Variants in CLN8 observed in about 807,000 individuals in gnomAD.
The protein encoded by CLN8 is protein CLN8.
CLN8 carries 14 observed loss-of-function variants against 15.7 expected under a neutral mutation model. That is an observed-to-expected ratio of 0.89 (90% CI 0.59 to 1.39). The LOEUF (loss-of-function observed/expected upper bound fraction) is 1.39. CLN8 is among the 40% of genes most tolerant of loss of function. The pLI, the probability that CLN8 is intolerant of heterozygous loss-of-function variation, is 0.00. For synonymous variants in CLN8, 188 were observed against 151.0 expected (o/e 1.25, Z -1.80); for missense variants, 415 against 364.0 (o/e 1.14, Z -1.14).
intron 2 of CLN8, among the ~76,000 whole-genome samples, chr8:1,775,087 C>G (rs1185317346): frequency 1.3e-5 from 2 of 152,014 alleles, no homozygotes; most frequent in Non-Finnish European, 2.9e-5. Context: ...GGTTCTGTGT[C>G]TGGATTCAAC....
chr8:1,785,782 G>A lies in CLN8; in HGVS notation c.*5215G>A, dbSNP rs890686435. The A allele has an allele frequency of 1.1e-5, 2 of 177,044 alleles. No homozygotes were observed. The highest frequency in any genetic ancestry group is 9.5e-5 in the South Asian group (1 of 10,532). 11.0% of individuals were successfully genotyped at this position (177,044 alleles called of 1,614,324 possible). On this transcript the variant is annotated 3_prime_UTR_variant, in exon 3 of 3. Coordinates refer to ENST00000331222, the MANE Select transcript of CLN8 (RefSeq NM_018941.4). ...GGCGGCGTGGGGTTAGACAGGTACT[G>A]GTCAGATGCACGGGCTCCCTAAACC...
chr8:1,768,761 G>C (rs1801181791), intron 1 of CLN8, among the ~76,000 whole-genome samples: 1 of 152,174 alleles, frequency 6.6e-6, no homozygotes, highest in Non-Finnish European at 1.5e-5. Flanking sequence ...CCTGTGAAGT[G>C]CATAGGGGTT....
At chr8:1,773,015 T>G in intron 2 of CLN8, 1 of 398,490 alleles carries the variant, frequency 2.5e-6, no homozygotes. Context: ...CCATCAAAAG[T>G]GCACTGCAGT....
upstream of CLN8, chr8:1,759,573 T>G (rs1419800649): frequency 1.3e-5 from 2 of 152,238 alleles, no homozygotes; most frequent in East Asian, 1.9e-4. Flanking sequence ...AGGATTCTTT[T>G]GGACGAAAGG....
intron 1 of CLN8, chr8:1,756,210 G>C (rs1017375577): frequency 2.6e-5 from 4 of 152,138 alleles, no homozygotes. Context: ...TCAGCCAGGC[G>C]CTGTGGCTCA....
In CLN8 at chr8:1,781,611, A is replaced by G. The variant is rs936509740; in HGVS notation, c.*1044A>G. 6.6e-6 allele frequency: 1 copy of G among 152,062 alleles called. No individual in the cohort carries two copies. Among genetic ancestry groups the G allele is most frequent in the Non-Finnish European group, 1.5e-5 (1 of 68,018 alleles). The allele number at this position is 152,062 out of a possible 1,614,324, so 9.4% of individuals were successfully genotyped here. Reference sequence around the variant, plus strand: ...TTCATACTGTGTTGCTCATTTGACAAAATAAGGTAAGGATTTCATAATCAG... The same window carrying G: ...TTCATACTGTGTTGCTCATTTGACAGAATAAGGTAAGGATTTCATAATCAG... On this transcript the variant is annotated 3_prime_UTR_variant, in exon 3 of 3. Transcript: ENST00000331222.
chr8:1,771,357 C>G lies in CLN8; in HGVS notation c.303C>G (p.Asn101Lys), dbSNP rs755831055. ...CCGACAAGGCGCGTGGCCAGCAGAACTGGTGCTGGTTTCACATCACGACAG... is the reference window on the plus strand; with the variant it reads ...CCGACAAGGCGCGTGGCCAGCAGAAGTGGTGCTGGTTTCACATCACGACAG... ...LHADKARGQQ[N>K]WCWFHITTAT... is the part of the protein sequence containing the mutation. Residue 101 changes from asparagine to lysine, a missense_variant, in exon 2 of 3, where the codon AAC becomes AAG. Physicochemically the swap from Asn to Lys is moderately conservative, Grantham distance 94 (BLOSUM62 0). Coordinates refer to ENST00000331222, the MANE Select transcript of CLN8 (RefSeq NM_018941.4). 23 of 1,614,110 alleles carry G rather than the reference C, an allele frequency of 1.4e-5. No individual in the cohort carries two copies. In the South Asian group the frequency reaches 2.3e-4, roughly 16 times the overall value.
intron 2 of CLN8, among the ~76,000 whole-genome samples, chr8:1,776,521 C>T (rs1801523100): frequency 2.0e-5 from 3 of 151,586 alleles, no homozygotes; most frequent in Admixed American, 1.3e-4. Flanking sequence ...TGCTCCAGTA[C>T]ACACACACAC....
upstream of CLN8, chr8:1,762,857 A>G (rs542935961): frequency 6.6e-6 from 1 of 152,374 alleles, no homozygotes; most frequent in African/African-American, 2.4e-5. Flanking sequence ...TATCGATCGC[A>G]TGCTATCGGT....
Position 1,780,859 on chromosome 8 carries a change from TGAG to T in CLN8, c.*296_*298del, listed in dbSNP as rs763436289. 1.6e-4 allele frequency: 81 copies of T among 499,142 alleles called. No individual in the cohort carries two copies. Among genetic ancestry groups the T allele is most frequent in the Non-Finnish European group, 3.2e-5 (9 of 279,300 alleles). The allele number at this position is 499,142 out of a possible 1,614,324, so 30.9% of individuals were successfully genotyped here. A position where few individuals can be genotyped will look rare whatever the true frequency, so the allele number is the denominator to read the frequency against. On this transcript the variant is annotated 3_prime_UTR_variant, in exon 3 of 3. Coordinates refer to ENST00000331222, the MANE Select transcript of CLN8 (RefSeq NM_018941.4). ...CCAGGCATCGGGGCGTCACACCTGTTGAGGAGTGGGGTGGCTTTGAATGCTGGA... is the reference window on the plus strand; with the variant it reads ...CCAGGCATCGGGGCGTCACACCTGTTGAGTGGGGTGGCTTTGAATGCTGGA...
intron 2 of CLN8, among the ~76,000 whole-genome samples, chr8:1,778,562 G>A (rs1352814690): frequency 2.6e-5 from 4 of 152,342 alleles, no homozygotes; most frequent in African/African-American, 9.6e-5. Flanking sequence ...ACCTTGAGGT[G>A]GCCCCAACCA....
Position 1,783,159 on chromosome 8 carries a change from T to C in CLN8, c.*2592T>C, listed in dbSNP as rs1475714334. 1.3e-5 allele frequency: 2 copies of C among 152,288 alleles called. No individual in the cohort carries two copies. The highest frequency in any genetic ancestry group is 6.5e-5 in the Admixed American group (1 of 15,288). 9.4% of individuals were successfully genotyped at this position (152,288 alleles called of 1,614,324 possible). ...GAGGGGATGTAGCTATAGTGGAGCATGGTACAAGCGACATTCATGAGCTCT... is the reference window on the plus strand; with the variant it reads ...GAGGGGATGTAGCTATAGTGGAGCACGGTACAAGCGACATTCATGAGCTCT... On this transcript the variant is annotated 3_prime_UTR_variant, in exon 3 of 3. Coordinates refer to ENST00000331222, the MANE Select transcript of CLN8 (RefSeq NM_018941.4).
chr8:1,771,576 C>G lies in CLN8; in HGVS notation c.522C>G (p.Cys174Trp). 6.2e-7 allele frequency: 1 copy of G among 1,613,958 alleles called. No individual in the cohort carries two copies. Among genetic ancestry groups the G allele is most frequent in the Non-Finnish European group, 8.5e-7 (1 of 1,179,990 alleles). ...LLLEMSTPFT[C>W]VSWMLLKAGW... ...TGGAGATGAGCACGCCCTTTACCTG[C>G]GTTTCCTGGATGCTCTTAAAGGTAA... Residue 174 changes from cysteine (C) to tryptophan (W), a missense_variant, in exon 2 of 3, where the codon TGC (cysteine) becomes TGG (tryptophan). Physicochemically the swap from Cys to Trp is radical, Grantham distance 215. Transcript: ENST00000331222.
chr8:1,767,436 C>G (rs2130977701), intron 1 of CLN8, among the ~76,000 whole-genome samples: 1 of 152,198 alleles, frequency 6.6e-6, no homozygotes, highest in South Asian at 2.1e-4. Context: ...ATGGTAATCT[C>G]TCCAAAAAGA....
chr8:1,775,361 T>A (rs550262307), intron 2 of CLN8, among the ~76,000 whole-genome samples: 1 of 152,202 alleles, frequency 6.6e-6, no homozygotes, highest in South Asian at 2.1e-4. Flanking sequence ...CCAAGGATAC[T>A]GAGGGTGACT....
Position 1,774,098 on chromosome 8 carries a change from A to G in CLN8, c.543+2501A>G, listed in dbSNP as rs112923085. On this transcript the variant is annotated intron_variant, in intron 2 of 2. Transcript: ENST00000331222. ...CAGTGTTGGATTTCTCCAGGGTTTT[A>G]TCTGTGCTTCTCCTGGAGCCAGGTG... is the stretch of plus-strand genomic sequence containing the variant. Among the ~76,000 whole-genome samples, 315 of 152,296 alleles carry G rather than the reference A, an allele frequency of 2.1e-3. 4 individuals are homozygous for G. Among genetic ancestry groups the G allele is most frequent in the African/African-American group, 7.3e-3 (303 of 41,556 alleles).
Position 1,785,294 on chromosome 8 carries a change from C to T in CLN8, c.*4727C>T, listed in dbSNP as rs558540267. The stretch of plus-strand genomic sequence containing the variant: ...TGGGGTTAGACAGGTACCGGTCAGA[C>T]TACGGTGACACAGGCGGCGTGCGGT... On this transcript the variant is annotated 3_prime_UTR_variant, in exon 3 of 3. Coordinates refer to ENST00000331222, the MANE Select transcript of CLN8 (RefSeq NM_018941.4). 0.011 allele frequency: 1,320 copies of T among 119,752 alleles called. No homozygotes were observed. Among genetic ancestry groups the T allele is most frequent in the Middle Eastern group, 0.051 (10 of 196 alleles). 7.4% of individuals were successfully genotyped at this position (119,752 alleles called of 1,614,324 possible). A position where few individuals can be genotyped will look rare whatever the true frequency, so the allele number is the denominator to read the frequency against.
chr8:1,766,793 G>T (rs1308429046), intron 1 of CLN8, among the ~76,000 whole-genome samples: 1 of 152,244 alleles, frequency 6.6e-6, no homozygotes, highest in Non-Finnish European at 1.5e-5. Context: ...TGCACAGCAA[G>T]GGAACAGTGG....
intron 1 of CLN8, among the ~76,000 whole-genome samples, chr8:1,756,536 T>A (rs1220262223): frequency 6.6e-6 from 1 of 152,012 alleles, no homozygotes; most frequent in African/African-American, 2.4e-5. Flanking sequence ...TACATCTGTA[T>A]ATTTGATTTA....
Sources: allele counts gnomAD v4.1 joint callset (sites outside exome capture counted in the v4.1 genomes callset), GRCh38; gene constraint gnomAD v4.1.1; transcripts MANE v1.5; gene names NCBI Gene and HGNC (gene_info 2026-07-23, HGNC 2026-07-21).